Variants in TRPM3 observed in about 807,000 individuals in gnomAD.
TRPM3 encodes transient receptor potential cation channel subfamily M member 3, also known as long transient receptor potential channel 3.
Under a neutral mutation model 181.2 loss-of-function variants are expected in TRPM3, and 77 were observed. The ratio of observed to expected loss-of-function variants is 0.42; its 90% CI spans 0.35 to 0.51. The LOEUF is 0.51. TRPM3 is among the 20% of genes least tolerant of loss of function. TRPM3 has a pLI of 0.01. For missense variants in TRPM3, 1,759 were observed against 2,196.7 expected (o/e 0.80, Z 3.98); for synonymous variants, 745 against 796.4 (o/e 0.94, Z 1.09).
chr9:70,808,940 C>T (rs185843460), intron 6 of TRPM3, among the ~76,000 whole-genome samples: 82 of 152,254 alleles, frequency 5.4e-4, no homozygotes, highest in Non-Finnish European at 9.3e-4. Flanking sequence ...CAATGACAGA[C>T]CACAAATACA....
intron 12 of TRPM3, among the ~76,000 whole-genome samples, chr9:70,632,138 G>T (rs989466162): frequency 6.6e-6 from 1 of 151,990 alleles, no homozygotes; most frequent in Non-Finnish European, 1.5e-5. Context: ...CTTTAATTTT[G>T]AAAATTGCTT....
chr9:71,032,054 TATATTA>T, intron 1 of TRPM3, among the ~76,000 whole-genome samples: 1 of 1,318 alleles, frequency 7.6e-4, no homozygotes, highest in South Asian at 0.029. Flanking sequence ...ATATATTATA[TATATTA>T]TATATATTAT....
At chr9:71,227,239 G>A (rs1295055746) in intron 1 of TRPM3, among the ~76,000 whole-genome samples, 1 of 150,994 alleles carries the variant, frequency 6.6e-6, no homozygotes, top group Non-Finnish European at 1.5e-5. Context: ...TAAACAGTAT[G>A]TTTCTGAATG....
At chr9:70,949,350 C>T (rs1459340576) in intron 1 of TRPM3, among the ~76,000 whole-genome samples, 1 of 152,096 alleles carries the variant, frequency 6.6e-6, no homozygotes, top group Non-Finnish European at 1.5e-5. Context: ...AGCCACCATG[C>T]CTGGTCAGTG....
intron 1 of TRPM3, among the ~76,000 whole-genome samples, chr9:71,367,961 A>G (rs72735831): frequency 0.033 from 3,179 of 95,624 alleles, 49 homozygotes; most frequent in African/African-American, 0.063. Context: ...GTGTGTGTGT[A>G]TATATATATC....
intron 1 of TRPM3, among the ~76,000 whole-genome samples, chr9:71,066,977 T>C (rs1274093986): frequency 6.6e-6 from 1 of 152,196 alleles, no homozygotes; most frequent in Non-Finnish European, 1.5e-5. Flanking sequence ...GGAAAAAAAC[T>C]GTTTCCTTCT....
chr9:70,548,847 GCTCTCTCTCT>G (rs56761379), intron 25 of TRPM3, among the ~76,000 whole-genome samples: 3 of 150,062 alleles, frequency 2.0e-5, no homozygotes, highest in African/African-American at 7.3e-5. Flanking sequence ...AAGATCTTGT[GCTCTCTCTCT>G]CTCTCTCTCT....
At chr9:70,624,076 C>T (rs187227668) in intron 14 of TRPM3, among the ~76,000 whole-genome samples, 18 of 152,016 alleles carry the variant, frequency 1.2e-4, no homozygotes, top group African/African-American at 2.2e-4. Flanking sequence ...GTATGTACTC[C>T]CCCCACCTCC....
intron 9 of TRPM3, among the ~76,000 whole-genome samples, chr9:70,646,566 TA>T (rs1268127429): frequency 6.6e-6 from 1 of 152,064 alleles, no homozygotes; most frequent in Non-Finnish European, 1.5e-5. Flanking sequence ...CAGGGCCTGT[TA>T]GGGGGTGAGG....
At chr9:71,362,358 A>G (rs148906837) in intron 1 of TRPM3, among the ~76,000 whole-genome samples, 1 of 152,328 alleles carries the variant, frequency 6.6e-6, no homozygotes, top group East Asian at 1.9e-4. Flanking sequence ...GGGTTGAAAA[A>G]TAGTCAAAGA....
At chr9:71,319,643 A>T (rs1185810319) in intron 1 of TRPM3, among the ~76,000 whole-genome samples, 1 of 152,158 alleles carries the variant, frequency 6.6e-6, no homozygotes, top group Non-Finnish European at 1.5e-5. Context: ...GCTTACCTGG[A>T]CATCCCTTAG....
intron 1 of TRPM3, among the ~76,000 whole-genome samples, chr9:71,369,978 T>C (rs2092459588): frequency 6.6e-6 from 1 of 152,180 alleles, no homozygotes; most frequent in Non-Finnish European, 1.5e-5. Context: ...TATTATCATA[T>C]CTGTTATGGT....
At chr9:70,638,832 G>A (rs1006533830) in intron 11 of TRPM3, among the ~76,000 whole-genome samples, 7 of 152,110 alleles carry the variant, frequency 4.6e-5, no homozygotes, top group Admixed American at 2.0e-4. Flanking sequence ...ATACACTTAG[G>A]TTATTACATA....
At chr9:70,585,156 T>C (rs1369758999) in intron 22 of TRPM3, among the ~76,000 whole-genome samples, 1 of 152,364 alleles carries the variant, frequency 6.6e-6, no homozygotes, top group Middle Eastern at 3.4e-3. Context: ...TGATTTACTC[T>C]TACATCACTG....
intron 1 of TRPM3, among the ~76,000 whole-genome samples, chr9:71,217,684 G>T (rs1378174807): frequency 6.6e-6 from 1 of 152,220 alleles, no homozygotes; most frequent in Non-Finnish European, 1.5e-5. Context: ...CTGTCCTGAT[G>T]AAGTCTGATG....
At chr9:71,414,717 C>G (rs904154700) in intron 1 of TRPM3, among the ~76,000 whole-genome samples, 8 of 152,042 alleles carry the variant, frequency 5.3e-5, no homozygotes, top group African/African-American at 1.9e-4. Context: ...GATACTAACT[C>G]ATGAAGCAGA....
At chr9:71,147,779 T>C (rs554382265) in intron 1 of TRPM3, among the ~76,000 whole-genome samples, 1 of 152,154 alleles carries the variant, frequency 6.6e-6, no homozygotes, top group East Asian at 1.9e-4. Context: ...ATGCTGCCTC[T>C]GGACAAAGGT....
At chr9:71,203,955 ATGGGGAAAGG>A (rs1451240349) in intron 1 of TRPM3, among the ~76,000 whole-genome samples, 3 of 152,206 alleles carry the variant, frequency 2.0e-5, no homozygotes, top group Non-Finnish European at 4.4e-5. Context: ...AAAAGAAGAA[ATGGGGAAAGG>A]ATTCCCTACT....
At chr9:70,787,763 C>CTTTTTTTTTTTTTTTTTTTTGGTTT (rs2084054300) in intron 6 of TRPM3, among the ~76,000 whole-genome samples, 3 of 68,558 alleles carry the variant, frequency 4.4e-5, no homozygotes, top group African/African-American at 5.8e-5. Context: ...TTTTTGGATT[C>CTTTTTTTTTTTTTTTTTTTTGGTTT]TTTTTTTTTT....
Sources: gnomAD v4.1 joint callset for allele counts (sites outside exome capture counted in the v4.1 genomes callset) on GRCh38, gnomAD v4.1.1 for gene constraint, MANE v1.5 for transcripts, NCBI Gene and HGNC (gene_info 2026-07-23, HGNC 2026-07-21) for gene names.